Variants in FBN2 observed in about 807,000 individuals in gnomAD.
The protein encoded by FBN2 is fibrillin-2.
Under a neutral mutation model 355.6 loss-of-function variants are expected in FBN2, and 105 were observed. The observed-to-expected ratio is 0.30, with a 90% CI of 0.25 to 0.35. The LOEUF is 0.35. Among genes scored for constraint, FBN2 ranks in the 10% least tolerant of loss-of-function variants. FBN2 has a pLI of 1.00. For synonymous variants in FBN2, 1,350 were observed against 1,301.2 expected (o/e 1.04, Z -0.81); for missense variants, 3,280 against 3,758.7 (o/e 0.87, Z 3.33).
Position 128,310,065 on chromosome 5 carries a change from C to T in FBN2, c.5118G>A (p.Gly1706=), listed in dbSNP as rs1284156837. The T allele has an allele frequency of 5.6e-6, 9 of 1,613,550 alleles. No individual in the cohort carries two copies. Among genetic ancestry groups the T allele is most frequent in the Non-Finnish European group, 7.6e-6 (9 of 1,179,620 alleles). ...AATTTCCCAGGGTGTTATAGCAGGTCCCAGGCCCACACACACCAGGATGTG... is the reference window on the plus strand; with the variant it reads ...AATTTCCCAGGGTGTTATAGCAGGTTCCAGGCCCACACACACCAGGATGTG... ...CFAHPGVCGP[G]TCYNTLGNYT... The change falls in exon 40 of 65, where the codon GGG becomes GGA. Residue 1706 remains glycine, a synonymous_variant. Transcript: ENST00000262464.
At position 128,301,507 on chromosome 5, in the gene FBN2, A is replaced by G. The variant is rs1060503501; in HGVS notation, c.5921T>C (p.Ile1974Thr). The change falls in exon 47 of 65, where the codon ATA becomes ACA. Residue 1974 changes from isoleucine (I) to threonine (T), a missense_variant. By Grantham distance (89) the Ile-to-Thr change is moderately conservative. Coordinates refer to ENST00000262464, the MANE Select transcript of FBN2 (RefSeq NM_001999.4). ...ELTHNNDCLD[I>T]DECSSFFGQV... ...ACCAAAAAAGGAACTGCACTCATCT[A>G]TGTCTGTAAGCAAACAGGAGTATGT... is the stretch of plus-strand genomic sequence containing the variant. 21 of 1,613,046 alleles carry G rather than the reference A, an allele frequency of 1.3e-5. No homozygotes were observed. Among genetic ancestry groups the G allele is most frequent in the Middle Eastern group, 3.3e-4 (2 of 6,080 alleles).
chr5:128,512,364 A>G (rs571484171), intron 5 of FBN2, among the ~76,000 whole-genome samples: 2 of 152,030 alleles, frequency 1.3e-5, no homozygotes, highest in Admixed American at 1.3e-4. Flanking sequence ...GTACAAAAAT[A>G]TTAGCAGGGG....
chr5:128,328,769 A>G lies in FBN2; in HGVS notation c.4398T>C (p.Leu1466=). The part of the protein sequence containing the change: ...NINLCENGQC[L]NVPGAYRCEC... ...CGCAGCGATATGCACCCGGGACATT[A>G]AGGCACTGTCCGTTCTCACAGAGGT... The change falls in exon 34 of 65, where the codon CTT becomes CTC. Residue 1466 remains leucine (L), a synonymous_variant. Transcript: ENST00000262464. 1.9e-6 allele frequency: 3 copies of G among 1,614,076 alleles called. No individual in the cohort carries two copies. Among genetic ancestry groups the G allele is most frequent in the Non-Finnish European group, 2.5e-6 (3 of 1,179,930 alleles).
intron 23 of FBN2, 111 bp downstream of exon 23, chr5:128,349,236 A>G: frequency 7.8e-7 from 1 of 1,280,462 alleles, no homozygotes. Flanking sequence ...TATCTCATTT[A>G]AAGCAAGTTT....
Position 128,275,140 on chromosome 5 carries a change from G to C in FBN2, c.7595-457C>G, listed in dbSNP as rs572927280. Reference sequence around the variant, plus strand: ...GATGAAAACACGGGCATTAATATTAGAGGAAGCAAAATACAACACCTGTAA... The same window carrying C: ...GATGAAAACACGGGCATTAATATTACAGGAAGCAAAATACAACACCTGTAA... On this transcript the variant is annotated intron_variant, in intron 59 of 64. Coordinates refer to ENST00000262464, the MANE Select transcript of FBN2 (RefSeq NM_001999.4). Among the ~76,000 whole-genome samples the C allele has an allele frequency of 1.1e-4, 17 of 152,256 alleles. No homozygotes were observed. In the East Asian group the frequency reaches 2.1e-3, roughly 19 times the overall value.
chr5:128,421,466 A>T (rs1230042255), intron 7 of FBN2, among the ~76,000 whole-genome samples: 12 of 152,236 alleles, frequency 7.9e-5, no homozygotes, highest in Admixed American at 7.9e-4. Context: ...TATTAATAAA[A>T]TCAGTAAAGT....
intron 15 of FBN2, among the ~76,000 whole-genome samples, chr5:128,374,247 G>C (rs1752023643): frequency 6.6e-6 from 1 of 152,066 alleles, no homozygotes; most frequent in African/African-American, 2.4e-5. Flanking sequence ...TCACTTTAAA[G>C]TGTACAATTT....
At position 128,406,339 on chromosome 5, in the gene FBN2, A is replaced by G. The variant is rs77667432; in HGVS notation, c.1078+2335T>C. The stretch of plus-strand genomic sequence containing the variant: ...TAACTTTTGCAGTGTGAGGTGCAAT[A>G]ACAAAACTAACATGAAATTCTTTTT... On this transcript the variant is annotated intron_variant, in intron 8 of 64. Coordinates refer to ENST00000262464, the MANE Select transcript of FBN2 (RefSeq NM_001999.4). Among the ~76,000 whole-genome samples, 966 of 152,308 alleles carry G rather than the reference A, an allele frequency of 6.3e-3. 12 individuals carry two copies. Among genetic ancestry groups the G allele is most frequent in the African/African-American group, 0.022 (905 of 41,550 alleles).
intron 49 of FBN2, 67 bp from the exon 50 acceptor site, chr5:128,290,951 A>C: frequency 2.5e-4 from 358 of 1,460,634 alleles, no homozygotes; most frequent in Middle Eastern, 3.5e-4. Context: ...AACATTTCTC[A>C]TTGTAGAACA....
rs1168426536 is a variant in FBN2, at chr5:128,434,424, A to ATATATATATATATATATG, written c.952+12056_952+12057insCATATATATATATATATA. Among the ~76,000 whole-genome samples, 335 of 130,426 alleles carry ATATATATATATATATATG rather than the reference A, an allele frequency of 2.6e-3. 21 individuals carry two copies. Among genetic ancestry groups the ATATATATATATATATATG allele is most frequent in the Non-Finnish European group, 3.4e-3 (211 of 62,596 alleles). The allele number at this position is 130,426 out of a possible 152,430, so 85.6% of individuals were successfully genotyped here. ...TATATATATATATATATATATATAT[A>ATATATATATATATATATG]TGGGCAGTAAGTGACAGCACTGGCG... On this transcript the variant is annotated intron_variant, in intron 7 of 64. Coordinates refer to ENST00000262464, the MANE Select transcript of FBN2 (RefSeq NM_001999.4).
chr5:128,363,957 A>G (rs894304856), intron 18 of FBN2, among the ~76,000 whole-genome samples: 2 of 152,260 alleles, frequency 1.3e-5, no homozygotes, highest in Admixed American at 6.5e-5. Flanking sequence ...TGTAAAAGCC[A>G]TAAGTGATTA....
At chr5:128,519,449 A>G in intron 4 of FBN2, 81 bp from the exon 5 acceptor site, 7 of 992,534 alleles carry the variant, frequency 7.1e-6, no homozygotes, top group Non-Finnish European at 1.1e-5. Flanking sequence ...CTGCCAATAA[A>G]GGATCTTATG....
intron 11 of FBN2, among the ~76,000 whole-genome samples, chr5:128,389,207 T>C (rs1314775795): frequency 1.3e-5 from 2 of 152,192 alleles, no homozygotes; most frequent in South Asian, 2.1e-4. Context: ...CTTAAGAACA[T>C]GCCAGTGGTG....
chr5:128,482,273 A>G (rs1755213968), intron 5 of FBN2, among the ~76,000 whole-genome samples: 1 of 151,994 alleles, frequency 6.6e-6, no homozygotes, highest in South Asian at 2.1e-4. Flanking sequence ...TGATGCAAAG[A>G]CACACATTTG....
intron 34 of FBN2, among the ~76,000 whole-genome samples, chr5:128,327,572 A>AC (rs1554122054): frequency 1.1e-4 from 15 of 138,220 alleles, no homozygotes; most frequent in Non-Finnish European, 2.3e-4. Flanking sequence ...GCAGTTAGGT[A>AC]TTTTTTTTTT....
chr5:128,368,307 T>A (rs941098411), intron 16 of FBN2, among the ~76,000 whole-genome samples: 2 of 151,148 alleles, frequency 1.3e-5, no homozygotes, highest in African/African-American at 4.9e-5. Context: ...CAGACAAGAG[T>A]CAATGTTATT....
In FBN2 at chr5:128,310,402, A is replaced by ATT. The variant is rs199690802; in HGVS notation, c.5075-296_5075-295dup. ...TATATATATATATATATATATATAT[A>ATT]TTTTTTTTTTTTTTTTTTTATTGCA... On this transcript the variant is annotated intron_variant, in intron 39 of 64. Coordinates refer to ENST00000262464, the MANE Select transcript of FBN2 (RefSeq NM_001999.4). Among the ~76,000 whole-genome samples the ATT allele has an allele frequency of 1.1e-3, 26 of 23,288 alleles. 1 individual carries two copies. Among genetic ancestry groups the ATT allele is most frequent in the Admixed American group, 1.1e-3 (2 of 1,770 alleles). 15.3% of individuals were successfully genotyped at this position (23,288 alleles called of 152,430 possible). A position where few individuals can be genotyped will look rare whatever the true frequency, so the allele number is the denominator to read the frequency against.
At chr5:128,531,884 T>C (rs1756719279) in intron 2 of FBN2, among the ~76,000 whole-genome samples, 1 of 152,124 alleles carries the variant, frequency 6.6e-6, no homozygotes, top group Non-Finnish European at 1.5e-5. Flanking sequence ...AAAAAAAAAT[T>C]GCATAATCCT....
chr5:128,514,548 C>G (rs1049283892), intron 5 of FBN2, among the ~76,000 whole-genome samples: 3 of 151,868 alleles, frequency 2.0e-5, no homozygotes, highest in Non-Finnish European at 4.4e-5. Flanking sequence ...TAAGAGTACT[C>G]AACAAATATT....
Sources: allele counts gnomAD v4.1 joint callset (sites outside exome capture counted in the v4.1 genomes callset), GRCh38; gene constraint gnomAD v4.1.1; transcripts MANE v1.5; gene names NCBI Gene and HGNC (gene_info 2026-07-23, HGNC 2026-07-21).